Variants in C20orf203 observed in about 807,000 individuals in gnomAD.
The protein encoded by C20orf203 is uncharacterized protein C20orf203.
In C20orf203, 16 loss-of-function variants were observed where a neutral mutation model predicts 15.9. The observed-to-expected ratio is 1.01, with a 90% CI of 0.68 to 1.53. C20orf203 has a LOEUF of 1.53. Ranked by LOEUF, C20orf203 falls within the 40% of genes most tolerant of loss-of-function variation. The probability of loss-of-function intolerance (pLI) is 0.00; values close to 1 mark genes in which losing one functional copy is unlikely to be tolerated. For synonymous variants in C20orf203, 98 were observed against 97.2 expected (o/e 1.01, Z -0.05); for missense variants, 263 against 247.5 (o/e 1.06, Z -0.42).
intron 5 of C20orf203, among the ~76,000 whole-genome samples, chr20:32,639,500 G>T (rs533400142): frequency 1.3e-5 from 2 of 152,114 alleles, no homozygotes; most frequent in Non-Finnish European, 2.9e-5. Flanking sequence ...ATTATGAGGA[G>T]CATGGTGGTG....
intron 1 of C20orf203, among the ~76,000 whole-genome samples, chr20:32,658,818 G>A (rs1568753132): frequency 6.6e-6 from 1 of 151,906 alleles, no homozygotes; most frequent in Non-Finnish European, 1.5e-5. Flanking sequence ...CGGCCTTGGC[G>A]TCCAGGGCTG....
At chr20:32,636,885 C>A (rs1446132475) in intron 5 of C20orf203, among the ~76,000 whole-genome samples, 1 of 152,176 alleles carries the variant, frequency 6.6e-6, no homozygotes, top group Non-Finnish European at 1.5e-5. Context: ...GTCCTGGAAC[C>A]CCTCAGGCCT....
intron 1 of C20orf203, among the ~76,000 whole-genome samples, chr20:32,662,884 T>TAAAA (rs549813618): frequency 0.01 from 1,140 of 110,892 alleles, 30 homozygotes; most frequent in African/African-American, 0.038. Context: ...TCTGTCTCTA[T>TAAAA]AAAAAAAAAA....
chr20:32,646,576 CTGCTG>C (rs780641949), intron 4 of C20orf203, among the ~76,000 whole-genome samples: 16 of 152,272 alleles, frequency 1.1e-4, no homozygotes, highest in Admixed American at 3.3e-4. Context: ...CACTGATGGC[CTGCTG>C]TTGTGGTCAA....
rs1377052475 is a variant in C20orf203 at position 32,650,776 on chromosome 20, G to A, written c.241C>T (p.Gln81Ter). 6.6e-7 allele frequency: 1 copy of A among 1,514,910 alleles called. No homozygotes were observed. Among genetic ancestry groups the A allele is most frequent in the Non-Finnish European group, 8.9e-7 (1 of 1,128,870 alleles). The allele number at this position is 1,514,910 out of a possible 1,614,324, so 93.8% of individuals were successfully genotyped here. A position where few individuals can be genotyped will look rare whatever the true frequency, so the allele number is the denominator to read the frequency against. ...TGTTGCGGAGGAGGAGGCTGGCGCT[G>A]GTGGCTGGGCTGGGGGTGGACTCGC... ...AQRVHPQPSH[Q>*]RQPPPPQHPG... Residue 81 changes from glutamine to a stop codon, truncating the protein, a stop_gained, in exon 4 of 6, where the codon CAG becomes TAG. Coordinates refer to ENST00000608990, the MANE Select transcript of C20orf203 (RefSeq NM_182584.4). LOFTEE classifies it high-confidence loss of function.
intron 1 of C20orf203, among the ~76,000 whole-genome samples, chr20:32,654,598 T>A (rs1168387286): frequency 1.3e-5 from 2 of 152,198 alleles, no homozygotes; most frequent in African/African-American, 4.8e-5. Flanking sequence ...ATCCCAGCAC[T>A]TTGGGAGGCC....
chr20:32,671,345 T>C (rs1983160668), intron 1 of C20orf203, among the ~76,000 whole-genome samples: 1 of 152,222 alleles, frequency 6.6e-6, no homozygotes, highest in African/African-American at 2.4e-5. Flanking sequence ...GAATATTATT[T>C]AGCCATCAAA....
intron 5 of C20orf203, among the ~76,000 whole-genome samples, chr20:32,640,272 AT>A (rs920820335): frequency 6.6e-6 from 1 of 152,014 alleles, no homozygotes; most frequent in East Asian, 1.9e-4. Context: ...ATATTTTCTA[AT>A]TTTTTTAATA....
intron 1 of C20orf203, among the ~76,000 whole-genome samples, chr20:32,669,332 C>T (rs6057615): frequency 6.6e-6 from 1 of 152,174 alleles, no homozygotes; most frequent in Non-Finnish European, 1.5e-5. Flanking sequence ...CATATGCCTC[C>T]GAGGACACAG....
At chr20:32,644,910 G>A (rs905344990) in intron 4 of C20orf203, among the ~76,000 whole-genome samples, 6 of 151,974 alleles carry the variant, frequency 3.9e-5, no homozygotes, top group Non-Finnish European at 7.4e-5. Context: ...TGAGGCTCTC[G>A]GTGGTAAATT....
intron 1 of C20orf203, among the ~76,000 whole-genome samples, chr20:32,667,033 CT>C (rs539969132): frequency 4.0e-4 from 61 of 150,840 alleles, no homozygotes; most frequent in Non-Finnish European, 5.8e-4. Flanking sequence ...GATTTACATC[CT>C]TTTTTTTGAC....
chr20:32,637,871 CATGT>C (rs530942964), intron 5 of C20orf203, among the ~76,000 whole-genome samples: 35 of 152,136 alleles, frequency 2.3e-4, no homozygotes, highest in African/African-American at 8.2e-4. Context: ...TGCATGCATG[CATGT>C]GTGTGGGTGT....
Position 32,657,492 on chromosome 20 carries a change from AAAC to A in C20orf203, c.-263-5514_-263-5512del, listed in dbSNP as rs3080486. On this transcript the variant is annotated intron_variant, in intron 1 of 5. Transcript: ENST00000608990. ...GCGACACAGCGAGACTCTGTCTCCAAAACAACAACAACAACAACAACAACAAAG... is the reference window on the plus strand; with the variant it reads ...GCGACACAGCGAGACTCTGTCTCCAAAACAACAACAACAACAACAACAAAG... 7.3e-5 allele frequency: 11 copies of A among 150,784 alleles called. No homozygotes were observed. The South Asian group carries it at 1.1e-3, about 15-fold the overall frequency. 9.3% of individuals were successfully genotyped at this position (150,784 alleles called of 1,614,324 possible).
intron 1 of C20orf203, among the ~76,000 whole-genome samples, chr20:32,652,908 G>C (rs1982670632): frequency 6.6e-6 from 1 of 152,188 alleles, no homozygotes; most frequent in Non-Finnish European, 1.5e-5. Flanking sequence ...GTGAGTGCTA[G>C]GTCACTGGCC....
chr20:32,635,933 G>A (rs556933191), intron 5 of C20orf203, among the ~76,000 whole-genome samples: 6 of 152,144 alleles, frequency 3.9e-5, no homozygotes, highest in Admixed American at 6.5e-5. Flanking sequence ...CCGGAATGAC[G>A]TGTCGTCCTC....
chr20:32,666,248 C>T (rs946743352), intron 1 of C20orf203, among the ~76,000 whole-genome samples: 5 of 151,040 alleles, frequency 3.3e-5, no homozygotes, highest in Admixed American at 3.3e-4. Context: ...AGGAGGATCT[C>T]TTGAGCTCAG....
intron 1 of C20orf203, among the ~76,000 whole-genome samples, chr20:32,653,574 G>T (rs1260499049): frequency 6.6e-6 from 1 of 152,176 alleles, no homozygotes. Flanking sequence ...CTTTCGGGGA[G>T]TTCTAAGAAG....
At chr20:32,667,557 G>A (rs779558337) in intron 1 of C20orf203, among the ~76,000 whole-genome samples, 4 of 152,186 alleles carry the variant, frequency 2.6e-5, no homozygotes, top group African/African-American at 4.8e-5. Flanking sequence ...AGAGATCTGC[G>A]CAGTTGCTAC....
intron 5 of C20orf203, among the ~76,000 whole-genome samples, chr20:32,635,216 T>C (rs1296746063): frequency 6.6e-6 from 1 of 151,600 alleles, no homozygotes; most frequent in Non-Finnish European, 1.5e-5. Flanking sequence ...TAAATAAAAA[T>C]GGGCCAGACA....
Sources: allele counts gnomAD v4.1 joint callset (sites outside exome capture counted in the v4.1 genomes callset), GRCh38; gene constraint gnomAD v4.1.1; transcripts MANE v1.5; gene names NCBI Gene and HGNC (gene_info 2026-07-23, HGNC 2026-07-21).